The following FNBP1L variants were observed in gnomAD, a reference collection of about 807,000 sequenced individuals.
The protein encoded by FNBP1L is formin-binding protein 1-like.
A neutral mutation model predicts 91.2 loss-of-function variants in FNBP1L; 36 were observed. The ratio of observed to expected loss-of-function variants is 0.39; its 90% confidence interval spans 0.30 to 0.52. The LOEUF (loss-of-function observed/expected upper bound fraction) is 0.52, where lower values mean the gene tolerates loss of function less well. FNBP1L is among the 20% of genes least tolerant of loss of function. The pLI, the probability that FNBP1L is intolerant of heterozygous loss-of-function variation, is 0.66. For synonymous variants in FNBP1L, 242 were observed against 237.0 expected, an observed-to-expected ratio of 1.02 and a Z score of -0.19; for missense variants, 571 against 732.1, an observed-to-expected ratio of 0.78 and a Z score of 2.54.
intron 14 of FNBP1L, among the ~76,000 whole-genome samples, chr1:93,547,816 A>G (rs762400062): frequency 6.6e-6 from 1 of 152,154 alleles, no homozygotes; most frequent in Admixed American, 6.6e-5. Context: ...AAGAAAAAAA[A>G]ATGTATTGTT....
intron 5 of FNBP1L, among the ~76,000 whole-genome samples, chr1:93,528,911 T>C (rs1671580809): frequency 6.6e-6 from 1 of 152,082 alleles, no homozygotes; most frequent in South Asian, 2.1e-4. Flanking sequence ...AAAAATTATG[T>C]AGGAAAGAAA....
At chr1:93,496,099 G>A (rs1317779665) in intron 1 of FNBP1L, among the ~76,000 whole-genome samples, 1 of 152,190 alleles carries the variant, frequency 6.6e-6, no homozygotes, top group African/African-American at 2.4e-5. Context: ...GCTGGGGGAA[G>A]GCCAGTCTGT....
intron 2 of FNBP1L, among the ~76,000 whole-genome samples, chr1:93,514,623 A>G (rs1050246267): frequency 7.2e-5 from 11 of 152,228 alleles, no homozygotes; most frequent in Non-Finnish European, 1.3e-4. Flanking sequence ...GCATGTCTAC[A>G]GCTATCTGAT....
chr1:93,540,999 G>T, intron 10 of FNBP1L, 43 bp from the exon 11 acceptor site: 1 of 1,529,490 alleles, frequency 6.5e-7, no homozygotes, highest in South Asian at 1.2e-5. Context: ...GGTTTCCTGT[G>T]AATAATTTAC....
At chr1:93,451,070 A>G (rs901094913) in intron 1 of FNBP1L, among the ~76,000 whole-genome samples, 7 of 152,226 alleles carry the variant, frequency 4.6e-5, no homozygotes, top group Non-Finnish European at 1.0e-4. Context: ...AATATATACT[A>G]CAGTCACAGT....
chr1:93,448,470 C>T (rs931772458), intron 1 of FNBP1L, among the ~76,000 whole-genome samples, 165 bp downstream of exon 1: 2 of 152,158 alleles, frequency 1.3e-5, no homozygotes, highest in Non-Finnish European at 2.9e-5. Context: ...CTCCTCTTCC[C>T]TTCTCGGCCG....
chr1:93,510,419 A>G (rs1181162215), intron 2 of FNBP1L, among the ~76,000 whole-genome samples: 11 of 152,178 alleles, frequency 7.2e-5, no homozygotes, highest in Non-Finnish European at 1.0e-4. Flanking sequence ...AAGGAAAACT[A>G]ACAAACAGAA....
intron 1 of FNBP1L, among the ~76,000 whole-genome samples, chr1:93,454,805 T>C (rs1267668132): frequency 6.6e-6 from 1 of 152,186 alleles, no homozygotes; most frequent in Non-Finnish European, 1.5e-5. Context: ...TTTACACATA[T>C]CATTTACATT....
chr1:93,545,578 A>G (rs1295149007), intron 12 of FNBP1L, among the ~76,000 whole-genome samples: 2 of 152,156 alleles, frequency 1.3e-5, no homozygotes, highest in East Asian at 3.8e-4. Context: ...GAAGTTCTGT[A>G]GGTACTACAG....
At chr1:93,526,455 G>A (rs570458381) in intron 5 of FNBP1L, among the ~76,000 whole-genome samples, 54 of 152,270 alleles carry the variant, frequency 3.5e-4, no homozygotes, top group African/African-American at 1.3e-3. Context: ...TCCAGAGGTG[G>A]GAAAAAGGCA....
intron 1 of FNBP1L, among the ~76,000 whole-genome samples, chr1:93,492,352 T>C (rs1228003080): frequency 2.0e-5 from 3 of 152,038 alleles, no homozygotes; most frequent in Non-Finnish European, 4.4e-5. Context: ...TGATAAAAAT[T>C]AGATAAAGGA....
intron 4 of FNBP1L, 22 bp downstream of exon 4, chr1:93,523,513 C>A: frequency 6.3e-7 from 1 of 1,584,810 alleles, no homozygotes. Flanking sequence ...AATTTTCATC[C>A]AATTGCAATA....
At chr1:93,508,076 G>A (rs939393092) in intron 2 of FNBP1L, among the ~76,000 whole-genome samples, 3 of 151,852 alleles carry the variant, frequency 2.0e-5, no homozygotes, top group South Asian at 2.1e-4. Flanking sequence ...TAGCCGGGGC[G>A]GTGGCTAACC....
rs72721027 is a variant in FNBP1L, at chr1:93,518,282, A to G, written c.141-3800A>G. 9.5e-3 allele frequency among the ~76,000 whole-genome samples: 1,441 copies of G among 152,282 alleles called. 25 individuals carry two copies. Among genetic ancestry groups the G allele is most frequent in the Non-Finnish European group, 0.011 (749 of 68,022 alleles). On this transcript the variant is annotated intron_variant, in intron 2 of 16. Transcript: ENST00000271234. ...CATTCTAGAGCTCAGTGATGAAGTT[A>G]GGGCATTTTCGTACATCTCTTGGTC...
chr1:93,542,707 GT>G (rs1426727474), intron 11 of FNBP1L, among the ~76,000 whole-genome samples: 1 of 143,566 alleles, frequency 7.0e-6, no homozygotes, highest in African/African-American at 2.6e-5. Flanking sequence ...GATCGTATTT[GT>G]TTTGAGAGCT....
chr1:93,485,518 A>G (rs1669867923), intron 1 of FNBP1L, among the ~76,000 whole-genome samples: 1 of 152,218 alleles, frequency 6.6e-6, no homozygotes, highest in South Asian at 2.1e-4. Context: ...TACTGTATAT[A>G]ACATTCTGGA....
rs570188039 is a variant in FNBP1L at position 93,467,312 on chromosome 1, C to T, written c.24+19007C>T. ...ACAGTGAATATTATTCAGCCTTGAA[C>T]GAAATTCTGACACATTCTATAAAAC... On this transcript the variant is annotated intron_variant, in intron 1 of 16. Transcript: ENST00000271234. Among the ~76,000 whole-genome samples, 6 of 152,198 alleles carry T rather than the reference C, an allele frequency of 3.9e-5. No individual in the cohort carries two copies. In the South Asian group the frequency reaches 6.2e-4, roughly 16 times the overall value.
At chr1:93,550,881 TGTATTA>T in intron 15 of FNBP1L, 60 bp from the exon 16 acceptor site, 1 of 1,373,460 alleles carries the variant, frequency 7.3e-7, no homozygotes, top group Non-Finnish European at 9.6e-7. Context: ...TTTTGTGCAT[TGTATTA>T]GTAACTTTAA....
At chr1:93,504,917 A>G (rs1171273034) in intron 2 of FNBP1L, among the ~76,000 whole-genome samples, 2 of 151,956 alleles carry the variant, frequency 1.3e-5, no homozygotes, top group East Asian at 1.9e-4. Context: ...CCTTCTATGC[A>G]TTGAAGTTTT....
Sources: gnomAD v4.1 joint callset for allele counts (sites outside exome capture counted in the v4.1 genomes callset) on GRCh38, gnomAD v4.1.1 for gene constraint, MANE v1.5 for transcripts, NCBI Gene and HGNC (gene_info 2026-07-23, HGNC 2026-07-21) for gene names.